Variants in DCP1B observed in about 807,000 individuals in gnomAD.
DCP1B encodes mRNA-decapping enzyme 1B.
DCP1B carries 47 observed loss-of-function variants against 60.5 expected under a neutral mutation model. That is an observed-to-expected ratio of 0.78 (90% CI 0.61 to 0.99). DCP1B has a LOEUF of 0.99. Among genes scored for constraint, DCP1B ranks in the 50% least tolerant of loss-of-function variants. DCP1B has a pLI of 0.00. For synonymous variants in DCP1B, 267 were observed against 280.3 expected (o/e 0.95, Z 0.47); for missense variants, 725 against 756.8 (o/e 0.96, Z 0.49).
chr12:1,978,693 C>T (rs1327900658), intron 3 of DCP1B, among the ~76,000 whole-genome samples: 1 of 152,140 alleles, frequency 6.6e-6, no homozygotes, highest in Admixed American at 6.5e-5. Context: ...CCACCACCAG[C>T]CCCAGCAGAG....
chr12:1,945,653 C>T (rs923577142), downstream of DCP1B, among the ~76,000 whole-genome samples: 1 of 152,242 alleles, frequency 6.6e-6, no homozygotes. Context: ...TAATGATAGA[C>T]TGGATAAAGA....
intron 1 of DCP1B, among the ~76,000 whole-genome samples, chr12:1,999,711 G>C (rs993753987): frequency 1.3e-5 from 2 of 152,148 alleles, no homozygotes; most frequent in Non-Finnish European, 2.9e-5. Flanking sequence ...GGGCAACAGA[G>C]GGAGACCCTG....
chr12:1,998,502 CA>C (rs2041464434), intron 1 of DCP1B, among the ~76,000 whole-genome samples: 2 of 152,168 alleles, frequency 1.3e-5, no homozygotes, highest in African/African-American at 4.8e-5. Flanking sequence ...ACAGAGTTCT[CA>C]GATGAATCAA....
chr12:1,950,019 C>T lies in DCP1B; in HGVS notation c.1525-685G>A, dbSNP rs1018844432. On this transcript the variant is annotated intron_variant, in intron 7 of 8. Coordinates refer to ENST00000280665, the MANE Select transcript of DCP1B (RefSeq NM_152640.5). ...TTTTCTAACAGCCCTTTCAGTTATG[C>T]AAGTGACATTTTGATCCTTATCTGA... 7.2e-5 allele frequency: 24 copies of T among 332,776 alleles called. No homozygotes were observed. In the East Asian group the frequency reaches 1.2e-3, roughly 16 times the overall value. The allele number at this position is 332,776 out of a possible 1,614,324, so 20.6% of individuals were successfully genotyped here. A position where few individuals can be genotyped will look rare whatever the true frequency, so the allele number is the denominator to read the frequency against.
At chr12:1,991,185 G>T (rs1460790094) in intron 3 of DCP1B, 2 of 456,100 alleles carry the variant, frequency 4.4e-6, no homozygotes, top group African/African-American at 4.0e-5. Context: ...CAACGGAAGT[G>T]AAATCAGAAT....
At chr12:1,987,633 A>G (rs1018724354) in intron 3 of DCP1B, among the ~76,000 whole-genome samples, 4 of 152,164 alleles carry the variant, frequency 2.6e-5, no homozygotes, top group Admixed American at 6.6e-5. Context: ...CCTTTCCCAT[A>G]TATCATGTAT....
intron 2 of DCP1B, among the ~76,000 whole-genome samples, chr12:1,995,068 A>G (rs1016882183): frequency 2.6e-5 from 4 of 152,164 alleles, no homozygotes; most frequent in African/African-American, 9.7e-5. Flanking sequence ...AAAACAGCAA[A>G]GGATTTTTTT....
intron 1 of DCP1B, among the ~76,000 whole-genome samples, chr12:2,000,623 GT>G (rs1371764359): frequency 6.6e-6 from 1 of 152,192 alleles, no homozygotes; most frequent in East Asian, 1.9e-4. Context: ...AAGAATATGA[GT>G]TTGTTCATAG....
chr12:1,953,243 C>T lies in DCP1B; in HGVS notation c.697G>A (p.Gly233Arg), dbSNP rs1232150357. The T allele has an allele frequency of 1.2e-6, 2 of 1,603,934 alleles. No individual in the cohort carries two copies. Among genetic ancestry groups the T allele is most frequent in the Non-Finnish European group, 1.7e-6 (2 of 1,179,860 alleles). Residue 233 changes from glycine to arginine, a missense_variant, in exon 7 of 9, where the codon GGG (glycine) becomes AGG (arginine). Physicochemically the swap from Gly to Arg is moderately radical, Grantham distance 125. Transcript: ENST00000280665. The stretch of plus-strand genomic sequence containing the variant: ...TGACATGTAGCTTTGTCCTGCTTCC[C>T]AAACAGAGCTGTCAAGGATAAGTGT... ...PQHLSLTALF[G>R]KQDKATCQET...
intron 4 of DCP1B, 99 bp from the exon 5 acceptor site, chr12:1,965,792 T>A: frequency 7.4e-7 from 1 of 1,354,126 alleles, no homozygotes; most frequent in South Asian, 1.7e-5. Flanking sequence ...TTCATCCTGT[T>A]ACAACCATAT....
Position 1,979,293 on chromosome 12 carries a change from C to T in DCP1B, c.320-11383G>A, listed in dbSNP as rs1436024082. Among the ~76,000 whole-genome samples, 5 of 151,524 alleles carry T rather than the reference C, an allele frequency of 3.3e-5. No individual in the cohort carries two copies. The East Asian group carries it at 9.7e-4, about 29-fold the overall frequency. On this transcript the variant is annotated intron_variant, in intron 3 of 8. Coordinates refer to ENST00000280665, the MANE Select transcript of DCP1B (RefSeq NM_152640.5). The stretch of plus-strand genomic sequence containing the variant: ...CCTCCCAAAGTGTTGGGATTACAAG[C>T]GTGAGCCACAGCGCCTGGATTTTTT...
intron 3 of DCP1B, among the ~76,000 whole-genome samples, chr12:1,989,758 T>C (rs540100686): frequency 2.6e-4 from 40 of 152,350 alleles, no homozygotes; most frequent in African/African-American, 9.1e-4. Context: ...GTCATTGCTG[T>C]CTATAACTTA....
At chr12:1,991,250 C>A in intron 3 of DCP1B, 1 of 455,404 alleles carries the variant, frequency 2.2e-6, no homozygotes, top group Non-Finnish European at 4.4e-6. Flanking sequence ...TCCTCATCTG[C>A]AAAATGGCAA....
Position 1,995,595 on chromosome 12 carries a change from T to C in DCP1B, c.192-2204A>G, listed in dbSNP as rs2040607049. On this transcript the variant is annotated intron_variant, in intron 2 of 8. Coordinates refer to ENST00000280665, the MANE Select transcript of DCP1B (RefSeq NM_152640.5). Reference sequence around the variant, plus strand: ...CATTCCTTCCTTCCACCTCCCATTGTTGCCTCCACTGGAACAGACCTTCCT... The same window carrying C: ...CATTCCTTCCTTCCACCTCCCATTGCTGCCTCCACTGGAACAGACCTTCCT... Among the ~76,000 whole-genome samples, 3 of 152,196 alleles carry C rather than the reference T, an allele frequency of 2.0e-5. No homozygotes were observed. The South Asian group carries it at 6.2e-4, about 31-fold the overall frequency.
At chr12:1,970,961 G>T in intron 3 of DCP1B, 7 of 614,970 alleles carry the variant, frequency 1.1e-5, no homozygotes, top group Non-Finnish European at 1.6e-5. Flanking sequence ...AAATGTTACT[G>T]CAGGAATAGC....
intron 3 of DCP1B, among the ~76,000 whole-genome samples, chr12:1,983,282 G>C (rs2036690025): frequency 6.6e-6 from 1 of 151,248 alleles, no homozygotes; most frequent in African/African-American, 2.4e-5. Flanking sequence ...CCTTCTGTTT[G>C]CTTTGGATTT....
intron 3 of DCP1B, among the ~76,000 whole-genome samples, chr12:1,970,171 T>G (rs960930785): frequency 6.6e-6 from 1 of 152,178 alleles, no homozygotes; most frequent in Non-Finnish European, 1.5e-5. Context: ...GTCATCACCA[T>G]GAGATAACTG....
At position 1,948,965 on chromosome 12, in the gene DCP1B, T is replaced by TAC. The variant is rs1290662011; in HGVS notation, c.1773+119_1773+120dup. On this transcript the variant is annotated intron_variant, in intron 8 of 8. Transcript: ENST00000280665. The surrounding 1 kb of genome is among the most constrained non-coding windows in gnomAD (Gnocchi z 4.8). ...AGCCGCTGGGGTCAGGATGAGTTGTTACACACACCTGTTATTCTCACGGAA... is the reference window on the plus strand; with the variant it reads ...AGCCGCTGGGGTCAGGATGAGTTGTTACACACACACCTGTTATTCTCACGGAA... The TAC allele has an allele frequency of 3.7e-6, 5 of 1,337,908 alleles. No homozygotes were observed. The highest frequency in any genetic ancestry group is 5.1e-6 in the Non-Finnish European group (5 of 974,282). The allele number at this position is 1,337,908 out of a possible 1,614,324, so 82.9% of individuals were successfully genotyped here. A position where few individuals can be genotyped will look rare whatever the true frequency, so the allele number is the denominator to read the frequency against.
chr12:1,968,721 A>G (rs762676457), intron 3 of DCP1B, among the ~76,000 whole-genome samples: 2 of 152,216 alleles, frequency 1.3e-5, no homozygotes, highest in Non-Finnish European at 2.9e-5. Context: ...TGTAAGCTGT[A>G]AGTTAGGGAG....
Sources: gnomAD v4.1 joint callset for allele counts (sites outside exome capture counted in the v4.1 genomes callset) on GRCh38, gnomAD v4.1.1 for gene constraint, Gnocchi (gnomAD v3.1) non-coding constraint, MANE v1.5 for transcripts, NCBI Gene and HGNC (gene_info 2026-07-23, HGNC 2026-07-21) for gene names.